CEMIP: variants seen among roughly 807,000 people sequenced by gnomAD.
CEMIP encodes the protein cell migration-inducing and hyaluronan-binding protein.
Under a neutral mutation model 156.9 loss-of-function variants are expected in CEMIP, and 105 were observed. The ratio of observed to expected loss-of-function variants is 0.67; its 90% CI spans 0.57 to 0.79. CEMIP has a LOEUF of 0.79. Ranked by LOEUF, CEMIP falls within the 30% of genes least tolerant of loss-of-function variation. The probability of loss-of-function intolerance (pLI) is 0.00; values close to 1 mark genes in which losing one functional copy is unlikely to be tolerated. For synonymous variants in CEMIP, 676 were observed against 668.4 expected (o/e 1.01, Z -0.17); for missense variants, 1,457 against 1,769.4 (o/e 0.82, Z 3.17).
In CEMIP at chr15:80,932,167, C is replaced by A. The variant is rs1900943191; in HGVS notation, c.2793+128C>A. 1 of 1,066,164 alleles carries A rather than the reference C, an allele frequency of 9.4e-7. No individual in the cohort carries two copies. The allele number at this position is 1,066,164 out of a possible 1,614,324, so 66.0% of individuals were successfully genotyped here. A position where few individuals can be genotyped will look rare whatever the true frequency, so the allele number is the denominator to read the frequency against. Reference sequence around the variant, plus strand: ...GGTTGAGAAGCCTCCTCCAACTAGGCTGGGCCATGTCCCAGTTTGCTCTTC... The same window carrying A: ...GGTTGAGAAGCCTCCTCCAACTAGGATGGGCCATGTCCCAGTTTGCTCTTC... On this transcript the variant is annotated intron_variant, in intron 22 of 29. Coordinates refer to ENST00000394685, the MANE Select transcript of CEMIP (RefSeq NM_001293298.2). This position sits in a 1 kb window ranked among gnomAD's most constrained non-coding sequence, Gnocchi z 4.5.
At chr15:80,884,025 C>G in intron 6 of CEMIP, 150 bp from the exon 7 acceptor site, 2 of 796,244 alleles carry the variant, frequency 2.5e-6, no homozygotes, top group Non-Finnish European at 4.3e-6. Flanking sequence ...AACTTGTTTG[C>G]TCTTTAAAGA....
chr15:80,913,424 T>C (rs1388232422), intron 14 of CEMIP, among the ~76,000 whole-genome samples: 1 of 148,518 alleles, frequency 6.7e-6, no homozygotes, highest in Non-Finnish European at 1.5e-5. Context: ...AACTCCTAAC[T>C]CTTTCTTGAT....
intron 15 of CEMIP, 85 bp from the exon 16 acceptor site, chr15:80,920,947 G>C (rs1437634363): frequency 2.8e-6 from 3 of 1,083,506 alleles, no homozygotes; most frequent in Non-Finnish European, 4.2e-6. Flanking sequence ...GCCAATATCA[G>C]AGTGCCCAAC....
rs367818173 is a variant in CEMIP at position 80,822,999 on chromosome 15, A to T, written c.-176+43385A>T. ...CCAGGCTTGGATGAGCTACTGACTG[A>T]TTGTGTGGTCCTGAAAAATTGCTGA... On this transcript the variant is annotated intron_variant, in intron 1 of 29. Transcript: ENST00000394685. 5.3e-5 allele frequency among the ~76,000 whole-genome samples: 8 copies of T among 152,262 alleles called. No homozygotes were observed. The East Asian group carries it at 9.7e-4, about 18-fold the overall frequency.
intron 8 of CEMIP, 129 bp downstream of exon 8, chr15:80,887,893 C>A: frequency 1.3e-6 from 1 of 799,842 alleles, no homozygotes; most frequent in Non-Finnish European, 2.1e-6. Context: ...GATGAGTGAG[C>A]AGCCGCTTAA....
chr15:80,919,725 G>C (rs1476792100), intron 14 of CEMIP, among the ~76,000 whole-genome samples: 1 of 151,870 alleles, frequency 6.6e-6, no homozygotes, highest in African/African-American at 2.4e-5. Context: ...TGAGGCAGGA[G>C]AATCACTTGA....
rs71455356 is a variant in CEMIP at position 80,839,289 on chromosome 15, A to ATGTGTGTGTGTGTGTGTGTGTGTGTGTGT, written c.-175-34249_-175-34248insTGTGTGTGTGTGTGTGTGTGTGTGTGTGT. Among the ~76,000 whole-genome samples the ATGTGTGTGTGTGTGTGTGTGTGTGTGTGT allele has an allele frequency of 3.7e-4, 48 of 131,184 alleles. 1 individual carries two copies. The highest frequency in any genetic ancestry group is 1.4e-3 in the African/African-American group (46 of 32,662). The allele number at this position is 131,184 out of a possible 152,430, so 86.1% of individuals were successfully genotyped here. ...TGAAGGCTGTGGAGTCAAGGCCGTGAGTGTGTGTGTGTGTGTGTGTGTGTG... is the reference window on the plus strand; with the variant it reads ...TGAAGGCTGTGGAGTCAAGGCCGTGATGTGTGTGTGTGTGTGTGTGTGTGTGTGTGTGTGTGTGTGTGTGTGTGTGTGTG... On this transcript the variant is annotated intron_variant, in intron 1 of 29. Coordinates refer to ENST00000394685, the MANE Select transcript of CEMIP (RefSeq NM_001293298.2).
At chr15:80,793,251 C>T (rs1247274072) in intron 1 of CEMIP, among the ~76,000 whole-genome samples, 2 of 152,206 alleles carry the variant, frequency 1.3e-5, no homozygotes, top group Non-Finnish European at 2.9e-5. Context: ...TTCAGGACGT[C>T]TTTCCCCCTT....
At chr15:80,794,400 G>A (rs1301292794) in intron 1 of CEMIP, among the ~76,000 whole-genome samples, 3 of 152,164 alleles carry the variant, frequency 2.0e-5, no homozygotes, top group Non-Finnish European at 4.4e-5. Context: ...GGATGCAGCA[G>A]TGACCAAAAT....
At chr15:80,832,461 A>C (rs910406468) in intron 1 of CEMIP, among the ~76,000 whole-genome samples, 5 of 151,982 alleles carry the variant, frequency 3.3e-5, no homozygotes, top group South Asian at 2.1e-4. Flanking sequence ...TAGATTTGCA[A>C]ATCAGCAGGA....
chr15:80,942,920 C>A, intron 27 of CEMIP, 25 bp from the exon 28 acceptor site: 1 of 1,614,188 alleles, frequency 6.2e-7, no homozygotes, highest in Non-Finnish European at 8.5e-7. Context: ...CCCTGCCTCA[C>A]ACCTGGATTG....
In CEMIP at chr15:80,936,697, C is replaced by A; in HGVS notation, c.3033C>A (p.Thr1011=). 1.2e-6 allele frequency: 2 copies of A among 1,614,018 alleles called. No individual in the cohort carries two copies. Among genetic ancestry groups the A allele is most frequent in the Non-Finnish European group, 1.7e-6 (2 of 1,179,982 alleles). Reference sequence around the variant, plus strand: ...AGATGTACATTCAAGCCTACAAGACCAGTAACCTGCGAATGAAGATCATCA... The same window carrying A: ...AGATGTACATTCAAGCCTACAAGACAAGTAACCTGCGAATGAAGATCATCA... ...YAQMYIQAYK[T]SNLRMKIIKN... is the part of the protein sequence containing the mutation. The change falls in exon 24 of 30, where the codon ACC becomes ACA. Residue 1011 remains threonine, a synonymous_variant. Coordinates refer to ENST00000394685, the MANE Select transcript of CEMIP (RefSeq NM_001293298.2).
intron 1 of CEMIP, among the ~76,000 whole-genome samples, chr15:80,811,214 C>T (rs1055710724): frequency 2.0e-5 from 3 of 152,118 alleles, no homozygotes; most frequent in Admixed American, 2.0e-4. Context: ...GGTAGGAAAT[C>T]TGGAAATGGT....
intron 12 of CEMIP, among the ~76,000 whole-genome samples, chr15:80,905,581 C>CA (rs1899765776): frequency 6.6e-6 from 1 of 152,076 alleles, no homozygotes; most frequent in African/African-American, 2.4e-5. Flanking sequence ...GGAGAGAAAA[C>CA]AGAGGGGTTA....
intron 28 of CEMIP, chr15:80,946,670 C>T: frequency 4.7e-6 from 2 of 426,216 alleles, no homozygotes; most frequent in Non-Finnish European, 8.8e-6. Context: ...TGCTTACATC[C>T]TCTCCTCTGT....
At position 80,894,803 on chromosome 15, in the gene CEMIP, T is replaced by C. The variant is rs77127461; in HGVS notation, c.1087-187T>C. On this transcript the variant is annotated intron_variant, in intron 10 of 29. Coordinates refer to ENST00000394685, the MANE Select transcript of CEMIP (RefSeq NM_001293298.2). Reference sequence around the variant, plus strand: ...CAGGCATTTATCTATTCCAAGACTTTAGGCTGTCTTTCTCATAACAAAACT... The same window carrying C: ...CAGGCATTTATCTATTCCAAGACTTCAGGCTGTCTTTCTCATAACAAAACT... 6.1e-3 allele frequency among the ~76,000 whole-genome samples: 926 copies of C among 152,288 alleles called. 12 individuals carry two copies. Among genetic ancestry groups the C allele is most frequent in the African/African-American group, 0.021 (871 of 41,558 alleles).
At chr15:80,824,639 G>C (rs8026100) in intron 1 of CEMIP, among the ~76,000 whole-genome samples, 80,377 of 152,056 alleles carry the variant, frequency 0.53, 21,641 homozygotes, top group African/African-American at 0.62. Context: ...GGCAGGAGGT[G>C]TGCACATTAT....
intron 1 of CEMIP, among the ~76,000 whole-genome samples, chr15:80,810,364 TTTTG>T (rs201174805): frequency 3.9e-5 from 6 of 152,228 alleles, no homozygotes; most frequent in African/African-American, 7.2e-5. Flanking sequence ...ACCTGTGTTT[TTTTG>T]TTTGTTTGTT....
At chr15:80,783,256 C>A (rs1895843304) in intron 1 of CEMIP, among the ~76,000 whole-genome samples, 1 of 152,192 alleles carries the variant, frequency 6.6e-6, no homozygotes, top group African/African-American at 2.4e-5. Context: ...AAGAGAAATG[C>A]AAACATGTAG....
Sources: gnomAD v4.1 joint callset for allele counts (sites outside exome capture counted in the v4.1 genomes callset) on GRCh38, gnomAD v4.1.1 for gene constraint, Gnocchi (gnomAD v3.1) non-coding constraint, MANE v1.5 for transcripts, NCBI Gene and HGNC (gene_info 2026-07-23, HGNC 2026-07-21) for gene names.